COL27A1: variants seen among roughly 807,000 people sequenced by gnomAD.
COL27A1 encodes collagen alpha-1(XXVII) chain.
Under a neutral mutation model 251.3 loss-of-function variants are expected in COL27A1, and 106 were observed. The observed-to-expected ratio is 0.42, with a 90% CI of 0.36 to 0.50. The LOEUF (loss-of-function observed/expected upper bound fraction) is 0.50, where lower values mean the gene tolerates loss of function less well. Ranked by LOEUF, COL27A1 falls within the 20% of genes least tolerant of loss-of-function variation. The probability of loss-of-function intolerance (pLI) is 0.00; values close to 1 mark genes in which losing one functional copy is unlikely to be tolerated. For missense variants in COL27A1, 2,325 were observed against 2,522.8 expected, an observed-to-expected ratio of 0.92 and a Z score of 1.68; for synonymous variants, 1,000 against 986.3, an observed-to-expected ratio of 1.01 and a Z score of -0.26.
intron 12 of COL27A1, among the ~76,000 whole-genome samples, chr9:114,211,877 C>T (rs1294648811): frequency 6.6e-6 from 1 of 152,214 alleles, no homozygotes; most frequent in Non-Finnish European, 1.5e-5. Context: ...GGTCCCTCTG[C>T]CACTGCCCTG....
At chr9:114,296,512 A>T (rs1277969246) in intron 49 of COL27A1, among the ~76,000 whole-genome samples, 1 of 152,254 alleles carries the variant, frequency 6.6e-6, no homozygotes, top group African/African-American at 2.4e-5. Context: ...ATGCTATGGC[A>T]TACCTATTAA....
At chr9:114,269,408 T>C (rs993028193) in intron 35 of COL27A1, 114 bp downstream of exon 35, 3 of 674,036 alleles carry the variant, frequency 4.5e-6, no homozygotes, top group Admixed American at 3.0e-5. Flanking sequence ...GTTACAGAAA[T>C]AGACTATGAA....
At chr9:114,182,206 TAAAATA>T (rs1827980053) in intron 4 of COL27A1, among the ~76,000 whole-genome samples, 1 of 141,952 alleles carries the variant, frequency 7.0e-6, no homozygotes, top group Non-Finnish European at 1.5e-5. Context: ...ATAAAAATAA[TAAAATA>T]AAAATAATAA....
chr9:114,301,314 G>A lies in COL27A1; in HGVS notation c.4786G>A (p.Asp1596Asn). Residue 1596 changes from aspartate to asparagine, a missense_variant, in exon 53 of 61, where the codon GAC (aspartate) becomes AAC (asparagine). Coordinates refer to ENST00000356083, the MANE Select transcript of COL27A1 (RefSeq NM_032888.4). ...GPKGDKGSRG[D>N]WGLQGPRGPP... ...GAAGGGTGACAAAGGCAGCCGTGGG[G>A]ACTGGGTAAGTGGATGGGCTGGGGC... 3 of 1,611,288 alleles carry A rather than the reference G, an allele frequency of 1.9e-6. No homozygotes were observed. The highest frequency in any genetic ancestry group is 2.5e-6 in the Non-Finnish European group (3 of 1,178,570).
rs773229150 is a variant in COL27A1, at chr9:114,155,966, G to C, written c.16G>C (p.Ala6Pro). 44 of 1,285,958 alleles carry C rather than the reference G, an allele frequency of 3.4e-5. No homozygotes were observed. The highest frequency in any genetic ancestry group is 4.3e-5 in the Non-Finnish European group (44 of 1,013,764). The allele number at this position is 1,285,958 out of a possible 1,614,324, so 79.7% of individuals were successfully genotyped here. Residue 6 changes from alanine (A) to proline (P), a missense_variant, in exon 1 of 61, where the codon GCG becomes CCG. Coordinates refer to ENST00000356083, the MANE Select transcript of COL27A1 (RefSeq NM_032888.4). The surrounding 1 kb of genome is among the most constrained non-coding windows in gnomAD (Gnocchi z 5.5). MGAGS[A>P]RGARGTAAAA... The stretch of plus-strand genomic sequence containing the variant: ...GGGGCCTGCCATGGGAGCGGGATCG[G>C]CGCGGGGGGCCCGAGGCACAGCGGC...
chr9:114,265,260 A>T, intron 31 of COL27A1, 150 bp downstream of exon 31: 1 of 1,098,104 alleles, frequency 9.1e-7, no homozygotes, highest in South Asian at 1.4e-5. Flanking sequence ...CCTGCACTGA[A>T]GCTCCTCCAG....
At chr9:114,270,588 G>C in intron 35 of COL27A1, 140 bp from the exon 36 acceptor site, 1 of 634,920 alleles carries the variant, frequency 1.6e-6, no homozygotes, top group Non-Finnish European at 2.8e-6. Flanking sequence ...TGCACCCACT[G>C]TGTGCCAGGG....
intron 49 of COL27A1, among the ~76,000 whole-genome samples, chr9:114,299,618 C>G (rs1422011441): frequency 6.6e-6 from 1 of 152,168 alleles, no homozygotes; most frequent in Non-Finnish European, 1.5e-5. Flanking sequence ...ATGGTGTGTC[C>G]CTGGGTTGAT....
Position 114,275,699 on chromosome 9 carries a change from C to A in COL27A1, c.3648C>A (p.Gly1216=), listed in dbSNP as rs576451383. The A allele has an allele frequency of 1.3e-6, 2 of 1,550,234 alleles. No individual in the cohort carries two copies. Among genetic ancestry groups the A allele is most frequent in the Admixed American group, 2.0e-5 (1 of 50,990 alleles). ...RGDPGPDGEH[G]EKGQEGLMGE... is the part of the protein sequence containing the mutation. Reference sequence around the variant, plus strand: ...ACCCAGGGCCTGATGGAGAACATGGCGAGAAAGGCCAGGAAGGGCTGATGG... The same window carrying A: ...ACCCAGGGCCTGATGGAGAACATGGAGAGAAAGGCCAGGAAGGGCTGATGG... Residue 1216 remains glycine (G), a synonymous_variant, in exon 37 of 61, where the codon GGC becomes GGA. Transcript: ENST00000356083.
At chr9:114,184,950 GT>G (rs1218402447) in intron 5 of COL27A1, among the ~76,000 whole-genome samples, 1 of 152,188 alleles carries the variant, frequency 6.6e-6, no homozygotes, top group Non-Finnish European at 1.5e-5. Flanking sequence ...TCTGGGACCA[GT>G]GGAGCCTGTC....
Position 114,310,776 on chromosome 9 carries a change from C to A in COL27A1, c.*81C>A. ...GGGGAGGGTACTGAGGGGCAGATGG[C>A]TCCAGGAGAGGCAGCTCCCCTGCCC... On this transcript the variant is annotated 3_prime_UTR_variant, in exon 61 of 61. Transcript: ENST00000356083. 2.0e-6 allele frequency: 3 copies of A among 1,491,724 alleles called. No individual in the cohort carries two copies. Among genetic ancestry groups the A allele is most frequent in the Admixed American group, 1.8e-5 (1 of 55,376 alleles). The allele number at this position is 1,491,724 out of a possible 1,614,324, so 92.4% of individuals were successfully genotyped here.
intron 1 of COL27A1, among the ~76,000 whole-genome samples, chr9:114,160,155 A>ATT (rs3034121): frequency 9.8e-5 from 14 of 142,390 alleles, no homozygotes; most frequent in Admixed American, 3.5e-4. Context: ...TTTAAAGTCT[A>ATT]TTTTTTTTTT....
intron 24 of COL27A1, among the ~76,000 whole-genome samples, chr9:114,247,824 T>C (rs913838388): frequency 2.0e-5 from 3 of 152,236 alleles, no homozygotes; most frequent in Admixed American, 2.0e-4. Flanking sequence ...GGGAAAGTTC[T>C]GAAGCTCACA....
intron 4 of COL27A1, among the ~76,000 whole-genome samples, chr9:114,179,882 A>G (rs935364278): frequency 8.2e-6 from 1 of 121,548 alleles, no homozygotes; most frequent in Non-Finnish European, 1.6e-5. Context: ...TGTGTCTCCC[A>G]GGCTGGAGTG....
At chr9:114,159,331 C>T (rs879293570) in intron 1 of COL27A1, among the ~76,000 whole-genome samples, 2 of 152,122 alleles carry the variant, frequency 1.3e-5, no homozygotes, top group Non-Finnish European at 2.9e-5. Context: ...GGAAACTGAC[C>T]GAGAAGGACA....
intron 50 of COL27A1, 138 bp from the exon 51 acceptor site, chr9:114,300,487 C>A: frequency 1.6e-6 from 1 of 620,650 alleles, no homozygotes; most frequent in Non-Finnish European, 2.7e-6. Flanking sequence ...GTGTTTCTTA[C>A]TCCTTCTGGG....
intron 27 of COL27A1, 77 bp downstream of exon 27, chr9:114,253,009 A>G: frequency 8.5e-7 from 1 of 1,171,058 alleles, no homozygotes; most frequent in Non-Finnish European, 1.2e-6. Context: ...GGTGGCTCAC[A>G]CCTGTAATCT....
At chr9:114,254,222 G>A (rs1833768670) in intron 27 of COL27A1, among the ~76,000 whole-genome samples, 1 of 152,054 alleles carries the variant, frequency 6.6e-6, no homozygotes, top group Admixed American at 6.5e-5. Context: ...GTCCTCAGGG[G>A]CCTGGGCTTC....
At position 114,170,082 on chromosome 9, in the gene COL27A1, G is replaced by A. The variant is rs576225883; in HGVS notation, c.1908+619G>A. On this transcript the variant is annotated intron_variant, in intron 3 of 60. Coordinates refer to ENST00000356083, the MANE Select transcript of COL27A1 (RefSeq NM_032888.4). ...GATGCGATGGTGCTTGAGCCACCCC[G>A]TTAGGACAAGTCCACTCCTGTCTGT... 2.8e-4 allele frequency among the ~76,000 whole-genome samples: 42 copies of A among 152,318 alleles called. 1 individual carries two copies. The highest frequency in any genetic ancestry group is 3.4e-3 in the Middle Eastern group (1 of 294).
Sources: gnomAD v4.1 joint callset for allele counts (sites outside exome capture counted in the v4.1 genomes callset) on GRCh38, gnomAD v4.1.1 for gene constraint, Gnocchi (gnomAD v3.1) non-coding constraint, MANE v1.5 for transcripts, NCBI Gene and HGNC (gene_info 2026-07-23, HGNC 2026-07-21) for gene names.